Variants in ZNF552 observed in about 807,000 individuals in gnomAD.
ZNF552 encodes zinc finger protein 552.
In ZNF552, 2 loss-of-function variants were observed where a neutral mutation model predicts 7.2. The ratio of observed to expected loss-of-function variants is 0.28; its 90% confidence interval spans 0.11 to 0.88. ZNF552 has a LOEUF of 0.88. ZNF552 is among the 40% of genes least tolerant of loss of function. The pLI is 0.60. For synonymous variants in ZNF552, 173 were observed against 176.5 expected, an observed-to-expected ratio of 0.98 and a Z score of 0.16; for missense variants, 421 against 493.4, an observed-to-expected ratio of 0.85 and a Z score of 1.39.
At chr19:57,812,152 G>A (rs1290614361) in intron 2 of ZNF552, among the ~76,000 whole-genome samples, 1 of 151,900 alleles carries the variant, frequency 6.6e-6, no homozygotes, top group Non-Finnish European at 1.5e-5. Context: ...AGTGAGCAGA[G>A]ATCAAGCTAC....
At chr19:57,810,296 A>T (rs56054509) in intron 2 of ZNF552, among the ~76,000 whole-genome samples, 1 of 151,728 alleles carries the variant, frequency 6.6e-6, no homozygotes, top group Admixed American at 6.6e-5. Flanking sequence ...ATGGAGAAAC[A>T]CTGTCTCTAC....
chr19:57,811,298 C>T (rs1441222879), intron 2 of ZNF552, among the ~76,000 whole-genome samples: 1 of 152,048 alleles, frequency 6.6e-6, no homozygotes, highest in Non-Finnish European at 1.5e-5. Flanking sequence ...TCAGCCTCTC[C>T]GAGTAGCTGG....
In ZNF552 at chr19:57,809,535, A is replaced by G. The variant is rs140060234; in HGVS notation, c.161-432T>C. Among the ~76,000 whole-genome samples, 494 of 152,194 alleles carry G rather than the reference A, an allele frequency of 3.2e-3. 3 individuals carry two copies. Among genetic ancestry groups the G allele is most frequent in the African/African-American group, 0.012 (482 of 41,528 alleles). ...AACCTGTATGCTAATACTGGAAACC[A>G]CTGCAGATGAAGATGTGAATAAAAT... On this transcript the variant is annotated intron_variant, in intron 2 of 2. Coordinates refer to ENST00000391701, the MANE Select transcript of ZNF552 (RefSeq NM_024762.3).
At position 57,808,404 on chromosome 19, in the gene ZNF552, T is replaced by C; in HGVS notation, c.860A>G (p.Gln287Arg). ...FNSKSHLLVH[Q>R]RIHTGEKPYE... ...TGGCTTCTCTCCAGTGTGAATTCTC[T>C]GGTGTACAAGGAGGTGGGACTTACT... is the stretch of plus-strand genomic sequence containing the variant. The change falls in exon 3 of 3, where the codon CAG becomes CGG. Residue 287 changes from glutamine to arginine, a missense_variant. This residue lies in a region of ZNF552 where 299 missense variants were observed against 293.7 expected (regional missense o/e 1.02). Transcript: ENST00000391701. The C allele has an allele frequency of 1.2e-6, 2 of 1,613,776 alleles. No homozygotes were observed.
intron 1 of ZNF552, 144 bp downstream of exon 1, chr19:57,814,566 TG>T: frequency 6.4e-7 from 1 of 1,553,246 alleles, no homozygotes; most frequent in South Asian, 1.2e-5. Flanking sequence ...CACGGGTGTC[TG>T]AAACAGGGAT....
chr19:57,811,627 A>G (rs1008699850), intron 2 of ZNF552, among the ~76,000 whole-genome samples: 1 of 148,782 alleles, frequency 6.7e-6, no homozygotes, highest in African/African-American at 2.5e-5. Context: ...CTGAGGGCAG[A>G]ATTGCTTGGG....
At chr19:57,809,893 G>GGGATCACTCA (rs2122141124) in intron 2 of ZNF552, among the ~76,000 whole-genome samples, 1 of 150,604 alleles carries the variant, frequency 6.6e-6, no homozygotes, top group East Asian at 2.0e-4. Context: ...CTAAGGCAAA[G>GGGATCACTCA]GGATCACTCA....
chr19:57,807,858 CAG>C lies in ZNF552; in HGVS notation c.*180_*181del, dbSNP rs751339451. 7.9e-6 allele frequency: 7 copies of C among 887,894 alleles called. No homozygotes were observed. The highest frequency in any genetic ancestry group is 1.2e-5 in the Non-Finnish European group (7 of 608,268). 55.0% of individuals were successfully genotyped at this position (887,894 alleles called of 1,614,324 possible). On this transcript the variant is annotated 3_prime_UTR_variant, in exon 3 of 3. Transcript: ENST00000391701. ...TGTTAACTATAATCCTGAAGGAATA[CAG>C]AGGTGTGGCTACAAAACTGCCCAAA...
Position 57,814,763 on chromosome 19 carries a change from T to A in ZNF552, c.-20A>T. 1.2e-6 allele frequency: 2 copies of A among 1,612,922 alleles called. No homozygotes were observed. The highest frequency in any genetic ancestry group is 1.7e-6 in the Non-Finnish European group (2 of 1,179,668). On this transcript the variant is annotated 5_prime_UTR_variant, in exon 1 of 3. Transcript: ENST00000391701. ...CGCCATGGGACCACGTGGGGTAAGC[T>A]GGGTTGAGAGCAGCGGGCGCCGTTA...
In ZNF552 at chr19:57,808,490, A is replaced by G; in HGVS notation, c.774T>C (p.His258=). Residue 258 remains histidine (H), a synonymous_variant, in exon 3 of 3, where the codon CAT becomes CAC. Transcript: ENST00000391701. ...SSSKYDSFSN[H]QGVHTREKPY... is the part of the protein sequence containing the mutation. Reference sequence around the variant, plus strand: ...GTTTTTCTCTAGTGTGAACTCCTTGATGATTACTGAAGCTGTCATATTTGC... The same window carrying G: ...GTTTTTCTCTAGTGTGAACTCCTTGGTGATTACTGAAGCTGTCATATTTGC... The G allele has an allele frequency of 6.2e-7, 1 of 1,613,868 alleles. No individual in the cohort carries two copies. The highest frequency in any genetic ancestry group is 1.1e-5 in the South Asian group (1 of 91,056).
intron 1 of ZNF552, among the ~76,000 whole-genome samples, chr19:57,813,907 C>A (rs1568491670): frequency 6.6e-6 from 1 of 151,990 alleles, no homozygotes; most frequent in East Asian, 1.9e-4. Context: ...CCACGCCTGG[C>A]TAATTTTGTA....
Position 57,808,049 on chromosome 19 carries a change from C to G in ZNF552, c.1215G>C (p.Lys405Asn). Residue 405 changes from lysine (K) to asparagine (N), a missense_variant, in exon 3 of 3, where the codon AAG (lysine) becomes AAC (asparagine). Physicochemically the swap from Lys to Asn is moderately conservative, Grantham distance 94. This residue lies in a region of ZNF552 where 299 missense variants were observed against 293.7 expected (regional missense o/e 1.02). Coordinates refer to ENST00000391701, the MANE Select transcript of ZNF552 (RefSeq NM_024762.3). ...ACTGGACTCACTGCACTCATAAGCCCTTTCTTTTGTGAACTCTCTGATGAT... is the reference window on the plus strand; with the variant it reads ...ACTGGACTCACTGCACTCATAAGCCGTTTCTTTTGTGAACTCTCTGATGAT... ...LRHHQRVHKR[K>N]GL 1 of 1,609,062 alleles carries G rather than the reference C, an allele frequency of 6.2e-7. No individual in the cohort carries two copies. Among genetic ancestry groups the G allele is most frequent in the Non-Finnish European group, 8.5e-7 (1 of 1,177,410 alleles).
At chr19:57,810,356 G>A (rs1328109305) in intron 2 of ZNF552, among the ~76,000 whole-genome samples, 2 of 152,098 alleles carry the variant, frequency 1.3e-5, no homozygotes, top group Non-Finnish European at 2.9e-5. Context: ...AGATCAGACT[G>A]TTACTGTGTC....
chr19:57,807,948 C>T lies in ZNF552; in HGVS notation c.*92G>A. The T allele has an allele frequency of 1.4e-6, 2 of 1,445,382 alleles. No homozygotes were observed. The highest frequency in any genetic ancestry group is 9.4e-7 in the Non-Finnish European group (1 of 1,069,382). 89.5% of individuals were successfully genotyped at this position (1,445,382 alleles called of 1,614,324 possible). A position where few individuals can be genotyped will look rare whatever the true frequency, so the allele number is the denominator to read the frequency against. On this transcript the variant is annotated 3_prime_UTR_variant, in exon 3 of 3. Transcript: ENST00000391701. Reference sequence around the variant, plus strand: ...TCTCCAATATCCAAGGAGAGCAGACCTTTGGGTAAACATTTTCCACATTTG... The same window carrying T: ...TCTCCAATATCCAAGGAGAGCAGACTTTTGGGTAAACATTTTCCACATTTG...
chr19:57,811,618 T>C (rs1385155986), intron 2 of ZNF552, among the ~76,000 whole-genome samples: 1 of 145,646 alleles, frequency 6.9e-6, no homozygotes, highest in Non-Finnish European at 1.5e-5. Flanking sequence ...CTCAGGAGGC[T>C]GAGGGCAGAA....
chr19:57,813,278 AG>A lies in ZNF552; in HGVS notation c.160+15del, dbSNP rs1247422598. 3 of 1,613,850 alleles carry A rather than the reference AG, an allele frequency of 1.9e-6. No individual in the cohort carries two copies. The highest frequency in any genetic ancestry group is 2.5e-6 in the Non-Finnish European group (3 of 1,179,982). On this transcript the variant is annotated intron_variant, in intron 2 of 2. Coordinates refer to ENST00000391701, the MANE Select transcript of ZNF552 (RefSeq NM_024762.3). ...GAGACTAGCTCAGGTCACAGGGGTG[AG>A]TGTGGGCAACTTACCCAGGGAGGAC...
chr19:57,809,011 C>A lies in ZNF552; in HGVS notation c.253G>T (p.Val85Leu), dbSNP rs541249815. 6.4e-7 allele frequency: 1 copy of A among 1,569,078 alleles called. No individual in the cohort carries two copies. The highest frequency in any genetic ancestry group is 2.3e-5 in the East Asian group (1 of 44,246). The change falls in exon 3 of 3, where the codon GTG becomes TTG. Residue 85 changes from valine (V) to leucine (L), a missense_variant. Around this residue, in one of 2 missense-constraint regions of ZNF552, gnomAD observed 122 missense variants for 199.7 expected, o/e 0.61. Transcript: ENST00000391701. ...CAGGGGTGGGCCTTCTTGGGAGACACACCTGCCATAGGAGTCCTGACCTGA... is the reference window on the plus strand; with the variant it reads ...CAGGGGTGGGCCTTCTTGGGAGACAAACCTGCCATAGGAGTCCTGACCTGA... ...ETQVRTPMAG[V>L]SPKKAHPCEM...
Position 57,813,280 on chromosome 19 carries a change from T to C in ZNF552, c.160+14A>G. The stretch of plus-strand genomic sequence containing the variant: ...GACTAGCTCAGGTCACAGGGGTGAG[T>C]GTGGGCAACTTACCCAGGGAGGACA... On this transcript the variant is annotated intron_variant, in intron 2 of 2. Coordinates refer to ENST00000391701, the MANE Select transcript of ZNF552 (RefSeq NM_024762.3). 6.2e-7 allele frequency: 1 copy of C among 1,613,854 alleles called. No homozygotes were observed. Among genetic ancestry groups the C allele is most frequent in the Non-Finnish European group, 8.5e-7 (1 of 1,179,958 alleles).
Position 57,807,504 on chromosome 19 carries a change from G to C in ZNF552, c.*536C>G, listed in dbSNP as rs1464208901. Reference sequence around the variant, plus strand: ...CAGGAGGCAGGGCTTGCAGTGAGCCGAGATTATGCCACTGTACTCCAGCCT... The same window carrying C: ...CAGGAGGCAGGGCTTGCAGTGAGCCCAGATTATGCCACTGTACTCCAGCCT... On this transcript the variant is annotated 3_prime_UTR_variant, in exon 3 of 3. Transcript: ENST00000391701. 6.6e-6 allele frequency: 1 copy of C among 152,582 alleles called. No homozygotes were observed. Among genetic ancestry groups the C allele is most frequent in the Non-Finnish European group, 1.5e-5 (1 of 68,374 alleles). 9.5% of individuals were successfully genotyped at this position (152,582 alleles called of 1,614,324 possible).
Sources: gnomAD v4.1 joint callset for allele counts (sites outside exome capture counted in the v4.1 genomes callset) on GRCh38, gnomAD v4.1.1 for gene constraint, gnomAD v4.1.1 regional missense constraint, MANE v1.5 for transcripts, NCBI Gene and HGNC (gene_info 2026-07-23, HGNC 2026-07-21) for gene names.